Variants in POLD3 observed in about 807,000 individuals in gnomAD.
The protein encoded by POLD3 is DNA polymerase delta subunit 3.
A neutral mutation model predicts 58.2 loss-of-function variants in POLD3; 19 were observed. The ratio of observed to expected loss-of-function variants is 0.33; its 90% CI spans 0.23 to 0.48. POLD3 has a LOEUF of 0.48. Among genes scored for constraint, POLD3 ranks in the 20% least tolerant of loss-of-function variants. The probability of loss-of-function intolerance (pLI) is 0.99; values close to 1 mark genes in which losing one functional copy is unlikely to be tolerated. For missense variants in POLD3, 504 were observed against 545.5 expected, an observed-to-expected ratio of 0.92 and a Z score of 0.76; for synonymous variants, 172 against 193.5, an observed-to-expected ratio of 0.89 and a Z score of 0.92.
intron 5 of POLD3, among the ~76,000 whole-genome samples, chr11:74,616,010 T>C (rs1767013040): frequency 6.6e-6 from 1 of 152,034 alleles, no homozygotes; most frequent in Admixed American, 6.6e-5. Flanking sequence ...TTCAAGAAAA[T>C]ATTAACACCC....
intron 7 of POLD3, among the ~76,000 whole-genome samples, chr11:74,623,803 A>T (rs1244990191): frequency 6.6e-6 from 1 of 152,210 alleles, no homozygotes; most frequent in Non-Finnish European, 1.5e-5. Flanking sequence ...GGTAACAAAA[A>T]AAGTCATTAA....
chr11:74,596,574 A>G (rs1342893581), intron 2 of POLD3, among the ~76,000 whole-genome samples: 2 of 152,204 alleles, frequency 1.3e-5, no homozygotes. Flanking sequence ...GGAGTAGTTA[A>G]ATCTAGCTAA....
At chr11:74,632,630 A>G (rs1208231282) in intron 9 of POLD3, among the ~76,000 whole-genome samples, 6 of 152,174 alleles carry the variant, frequency 3.9e-5, no homozygotes. Flanking sequence ...TCTTTTGTCA[A>G]CTTTCTCCCA....
Position 74,623,796 on chromosome 11 carries a change from A to G in POLD3, c.734-1612A>G, listed in dbSNP as rs918579923. Reference sequence around the variant, plus strand: ...AGATAGGTGACTTGATCATTCAGGTAACAAAAAAAGTCATTAAATTTTCCT... The same window carrying G: ...AGATAGGTGACTTGATCATTCAGGTGACAAAAAAAGTCATTAAATTTTCCT... On this transcript the variant is annotated intron_variant, in intron 7 of 11. Transcript: ENST00000263681. 2.0e-5 allele frequency among the ~76,000 whole-genome samples: 3 copies of G among 152,358 alleles called. No individual in the cohort carries two copies. The East Asian group carries it at 5.8e-4, about 29-fold the overall frequency.
chr11:74,662,060 C>G (rs1232309293), intron 4 of POLD3, among the ~76,000 whole-genome samples: 1 of 152,180 alleles, frequency 6.6e-6, no homozygotes, highest in Non-Finnish European at 1.5e-5. Context: ...GCTGCCAGGC[C>G]TGGGACTCGC....
At chr11:74,660,950 C>A (rs543751299) in intron 4 of POLD3, among the ~76,000 whole-genome samples, 2 of 151,892 alleles carry the variant, frequency 1.3e-5, no homozygotes, top group African/African-American at 4.8e-5. Context: ...CTCACTAATT[C>A]TTTCTTCTGC....
chr11:74,635,818 C>T (rs977381609), intron 10 of POLD3, among the ~76,000 whole-genome samples: 1 of 152,230 alleles, frequency 6.6e-6, no homozygotes, highest in Admixed American at 6.5e-5. Flanking sequence ...ATATCTGTCT[C>T]AGCCCTCACT....
At chr11:74,606,527 A>T (rs919477768) in intron 3 of POLD3, among the ~76,000 whole-genome samples, 2 of 152,180 alleles carry the variant, frequency 1.3e-5, no homozygotes, top group Non-Finnish European at 2.9e-5. Context: ...CTGAAAGAAA[A>T]ATGCATATGT....
Position 74,642,593 on chromosome 11 carries a change from A to G in POLD3, c.*1827A>G, listed in dbSNP as rs977058523. On this transcript the variant is annotated 3_prime_UTR_variant, in exon 12 of 12. Transcript: ENST00000263681. ...GGATAATACAAATCCTATGATCTCT[A>G]TGCCCAATATGCTGCCTCAACTCTG... 4 of 985,072 alleles carry G rather than the reference A, an allele frequency of 4.1e-6. No individual in the cohort carries two copies. Among genetic ancestry groups the G allele is most frequent in the African/African-American group, 3.5e-5 (2 of 57,214 alleles). 61.0% of individuals were successfully genotyped at this position (985,072 alleles called of 1,614,324 possible). A position where few individuals can be genotyped will look rare whatever the true frequency, so the allele number is the denominator to read the frequency against.
intron 2 of POLD3, among the ~76,000 whole-genome samples, 187 bp downstream of exon 2, chr11:74,594,303 T>C (rs1277224803): frequency 6.6e-6 from 1 of 152,234 alleles, no homozygotes; most frequent in Non-Finnish European, 1.5e-5. Context: ...GCATTCTCCC[T>C]GTATATCTGT....
chr11:74,614,761 G>C (rs2032031108), intron 5 of POLD3, among the ~76,000 whole-genome samples: 1 of 152,060 alleles, frequency 6.6e-6, no homozygotes, highest in South Asian at 2.1e-4. Flanking sequence ...GGTGTGTGGG[G>C]GTAGGGGATG....
At chr11:74,634,800 C>T in intron 10 of POLD3, 105 bp downstream of exon 10, 1 of 689,622 alleles carries the variant, frequency 1.5e-6, no homozygotes. Context: ...TCACAAATGC[C>T]AGTAGATGGC....
rs1591309756 is a variant in POLD3 at position 74,625,645 on chromosome 11, C to CA, written c.899+73dup. The CA allele has an allele frequency of 3.1e-6, 4 of 1,292,768 alleles. No homozygotes were observed. The East Asian group carries it at 9.7e-5, about 31-fold the overall frequency. 80.1% of individuals were successfully genotyped at this position (1,292,768 alleles called of 1,614,324 possible). On this transcript the variant is annotated intron_variant, in intron 8 of 11. Transcript: ENST00000263681. Reference sequence around the variant, plus strand: ...GAGAAGGTCTCTTTGGGCTTATTGACAGCAGGCAGTTTTCAGTTAAGTACT... The same window carrying CA: ...GAGAAGGTCTCTTTGGGCTTATTGACAAGCAGGCAGTTTTCAGTTAAGTACT...
At chr11:74,601,839 T>C (rs1348137276) in intron 2 of POLD3, among the ~76,000 whole-genome samples, 4 of 152,032 alleles carry the variant, frequency 2.6e-5, no homozygotes, top group African/African-American at 9.7e-5. Flanking sequence ...TCATACTTCA[T>C]AGAGGAGGTG....
At chr11:74,602,280 A>G (rs912930666) in intron 2 of POLD3, among the ~76,000 whole-genome samples, 1 of 152,144 alleles carries the variant, frequency 6.6e-6, no homozygotes, top group Non-Finnish European at 1.5e-5. Flanking sequence ...TATGTTTCAG[A>G]CAAGACTCTC....
chr11:74,653,635 A>G (rs1471381545), intron 4 of POLD3, among the ~76,000 whole-genome samples: 1 of 152,264 alleles, frequency 6.6e-6, no homozygotes. Context: ...AAGGAAAAAA[A>G]GGACAAAGAA....
At position 74,641,422 on chromosome 11, in the gene POLD3, G is replaced by C; in HGVS notation, c.*656G>C. 1 of 985,414 alleles carries C rather than the reference G, an allele frequency of 1.0e-6. No individual in the cohort carries two copies. The highest frequency in any genetic ancestry group is 1.2e-6 in the Non-Finnish European group (1 of 829,930). 61.0% of individuals were successfully genotyped at this position (985,414 alleles called of 1,614,324 possible). A position where few individuals can be genotyped will look rare whatever the true frequency, so the allele number is the denominator to read the frequency against. On this transcript the variant is annotated 3_prime_UTR_variant, in exon 12 of 12. Transcript: ENST00000263681. ...CAAAAGCTCTCTGGGACCTTCACTT[G>C]CAATTAGTGGTTAGGGAAAAGCCTC...
chr11:74,662,238 T>A (rs1463666299), intron 4 of POLD3, among the ~76,000 whole-genome samples: 1 of 152,178 alleles, frequency 6.6e-6, no homozygotes, highest in African/African-American at 2.4e-5. Context: ...TTCCCTCTTC[T>A]TTTCTCAAGC....
At chr11:74,630,020 C>G (rs773471890) in intron 9 of POLD3, among the ~76,000 whole-genome samples, 1 of 152,110 alleles carries the variant, frequency 6.6e-6, no homozygotes, top group African/African-American at 2.4e-5. Context: ...TTGAACTGCT[C>G]TAATCAATTG....
Sources: gnomAD v4.1 joint callset for allele counts (sites outside exome capture counted in the v4.1 genomes callset) on GRCh38, gnomAD v4.1.1 for gene constraint, MANE v1.5 for transcripts, NCBI Gene and HGNC (gene_info 2026-07-23, HGNC 2026-07-21) for gene names.